The following SLCO1A2 variants were observed in gnomAD, a reference collection of about 807,000 sequenced individuals.
The protein encoded by SLCO1A2 is OATP-1.
A neutral mutation model predicts 69.0 loss-of-function variants in SLCO1A2; 67 were observed. That is an observed-to-expected ratio of 0.97 (90% CI 0.80 to 1.19). The LOEUF is 1.19. SLCO1A2 is among the 50% of genes most tolerant of loss of function. The pLI is 0.00. For missense variants in SLCO1A2, 787 were observed against 793.7 expected (o/e 0.99, Z 0.10); for synonymous variants, 260 against 265.9 (o/e 0.98, Z 0.22).
chr12:21,399,888 A>T (rs1941627921), upstream of SLCO1A2, among the ~76,000 whole-genome samples: 1 of 150,600 alleles, frequency 6.6e-6, no homozygotes, highest in East Asian at 2.0e-4. Flanking sequence ...AGATGGATTA[A>T]AGACTTAAAC....
chr12:21,353,629 G>A (rs1938135988), intron 2 of SLCO1A2, among the ~76,000 whole-genome samples: 1 of 152,260 alleles, frequency 6.6e-6, no homozygotes, highest in South Asian at 2.1e-4. Context: ...TGGACAACTT[G>A]GTTTTTTTCC....
At chr12:21,278,374 G>C (rs957122911) in intron 12 of SLCO1A2, among the ~76,000 whole-genome samples, 5 of 152,068 alleles carry the variant, frequency 3.3e-5, no homozygotes, top group African/African-American at 1.2e-4. Context: ...GATGATTGTA[G>C]AGTTGGGTCT....
intron 1 of SLCO1A2, among the ~76,000 whole-genome samples, chr12:21,415,569 A>G (rs1466848380): frequency 6.6e-6 from 1 of 152,002 alleles, no homozygotes; most frequent in South Asian, 2.1e-4. Context: ...TAAATTTAAG[A>G]TGTTTTTCTG....
chr12:21,331,875 T>G (rs143086486), intron 2 of SLCO1A2, among the ~76,000 whole-genome samples: 5,058 of 151,974 alleles, frequency 0.033, 79 homozygotes, highest in Middle Eastern at 0.051. Flanking sequence ...TTAACCAAAT[T>G]TAGGGGATTG....
intron 1 of SLCO1A2, among the ~76,000 whole-genome samples, chr12:21,415,660 C>A (rs1941977471): frequency 6.6e-6 from 1 of 151,958 alleles, no homozygotes. Context: ...TTTTCTTATC[C>A]TTTTGCATGT....
chr12:21,362,635 G>T (rs1939010355), intron 2 of SLCO1A2, among the ~76,000 whole-genome samples: 1 of 152,160 alleles, frequency 6.6e-6, no homozygotes, highest in Non-Finnish European at 1.5e-5. Context: ...ACGCATCAGT[G>T]TGTGGTATTC....
chr12:21,406,898 A>C (rs1028455364), intron 1 of SLCO1A2, among the ~76,000 whole-genome samples: 3 of 152,246 alleles, frequency 2.0e-5, no homozygotes, highest in African/African-American at 7.2e-5. Context: ...AAAGCAGTGA[A>C]GAACCAAACC....
At chr12:21,296,649 T>TG (rs1350923022) in intron 9 of SLCO1A2, among the ~76,000 whole-genome samples, 7 of 151,730 alleles carry the variant, frequency 4.6e-5, no homozygotes, top group Admixed American at 2.6e-4. Flanking sequence ...TCCCAATAAG[T>TG]GAAAAAAAAG....
At chr12:21,337,780 A>G (rs1293158300), upstream of SLCO1A2, among the ~76,000 whole-genome samples, 1 of 152,064 alleles carries the variant, frequency 6.6e-6, no homozygotes, top group Non-Finnish European at 1.5e-5. Context: ...ACTAAAGAAT[A>G]AAATAATAAA....
intron 13 of SLCO1A2, 122 bp downstream of exon 13, chr12:21,275,238 C>T: frequency 1.1e-6 from 1 of 921,872 alleles, no homozygotes; most frequent in Non-Finnish European, 1.5e-6. Flanking sequence ...CAACATGGCA[C>T]ATGTATACAT....
At chr12:21,296,566 T>C (rs7980430) in intron 9 of SLCO1A2, among the ~76,000 whole-genome samples, 2,175 of 152,296 alleles carry the variant, frequency 0.014, 50 homozygotes, top group African/African-American at 0.049. Flanking sequence ...AGAGTCACTT[T>C]GCTGAGCCTG....
chr12:21,339,419 G>C (rs533652826), upstream of SLCO1A2, among the ~76,000 whole-genome samples: 2 of 151,890 alleles, frequency 1.3e-5, no homozygotes, highest in Admixed American at 6.6e-5. Context: ...AAATACTTGG[G>C]CTTTGAAATT....
At chr12:21,418,047 C>T (rs764546916), upstream of SLCO1A2, 2 of 152,128 alleles carry the variant, frequency 1.3e-5, no homozygotes, top group African/African-American at 2.4e-5. Context: ...CCACACCTGA[C>T]CTGCACCTGG....
chr12:21,279,097 T>A (rs1019778541), intron 12 of SLCO1A2, among the ~76,000 whole-genome samples: 1 of 151,858 alleles, frequency 6.6e-6, no homozygotes, highest in Non-Finnish European at 1.5e-5. Flanking sequence ...ATAGCAGAAT[T>A]TATCAAGCAG....
chr12:21,318,355 G>A (rs761412211), intron 3 of SLCO1A2, among the ~76,000 whole-genome samples: 8 of 152,114 alleles, frequency 5.3e-5, no homozygotes, highest in South Asian at 2.1e-4. Flanking sequence ...TCCTGACCTC[G>A]TGATCCACCC....
At chr12:21,411,060 TAAAC>T (rs1027801393) in intron 1 of SLCO1A2, among the ~76,000 whole-genome samples, 5 of 152,174 alleles carry the variant, frequency 3.3e-5, no homozygotes, top group Non-Finnish European at 5.9e-5. Flanking sequence ...TGGCTTTTGA[TAAAC>T]AAAAATTCTT....
chr12:21,297,525 A>G lies in SLCO1A2; in HGVS notation c.954T>C (p.Tyr318=). 6.3e-7 allele frequency: 1 copy of G among 1,596,424 alleles called. No individual in the cohort carries two copies. The highest frequency in any genetic ancestry group is 8.6e-7 in the Non-Finnish European group (1 of 1,168,698). The change falls in exon 9 of 15, where the codon TAT becomes TAC. Residue 318 remains tyrosine, a synonymous_variant. Coordinates refer to ENST00000683939, the MANE Select transcript of SLCO1A2 (RefSeq NM_001386879.1). ...FMKSLSCNPI[Y]MLFILVSVIQ... The stretch of plus-strand genomic sequence containing the variant: ...TCACACTTACAAGTATGAAAAGCAT[A>G]TAAATTGGATTGCAGGAAAGACTTT...
chr12:21,415,616 C>G (rs1340168914), intron 1 of SLCO1A2, among the ~76,000 whole-genome samples: 1 of 151,532 alleles, frequency 6.6e-6, no homozygotes, highest in African/African-American at 2.4e-5. Flanking sequence ...TATTGTGGAC[C>G]CCAGTGTTGC....
chr12:21,320,109 C>G (rs1455588694), intron 2 of SLCO1A2, among the ~76,000 whole-genome samples: 1 of 152,122 alleles, frequency 6.6e-6, no homozygotes, highest in Admixed American at 6.5e-5. Context: ...CCTGGGAGAC[C>G]ATTTGACCTA....
Sources: allele counts gnomAD v4.1 joint callset (sites outside exome capture counted in the v4.1 genomes callset), GRCh38; gene constraint gnomAD v4.1.1; transcripts MANE v1.5; gene names NCBI Gene and HGNC (gene_info 2026-07-23, HGNC 2026-07-21).